The following GPC6 variants were observed in gnomAD, a reference collection of about 807,000 sequenced individuals.
The protein encoded by GPC6 is glypican 6.
GPC6 carries 14 observed loss-of-function variants against 55.2 expected under a neutral mutation model. The ratio of observed to expected loss-of-function variants is 0.25; its 90% CI spans 0.17 to 0.40. The LOEUF is 0.40. Ranked by LOEUF, GPC6 falls within the 10% of genes least tolerant of loss-of-function variation. GPC6 has a pLI of 1.00. For missense variants in GPC6, 641 were observed against 708.5 expected, an observed-to-expected ratio of 0.90 and a Z score of 1.08; for synonymous variants, 278 against 259.6, an observed-to-expected ratio of 1.07 and a Z score of -0.68.
At chr13:94,190,020 C>CAA (rs551911889) in intron 4 of GPC6, among the ~76,000 whole-genome samples, 14,716 of 126,576 alleles carry the variant, frequency 0.12, 862 homozygotes, top group East Asian at 0.2. Context: ...GACTCTGTCT[C>CAA]AAAAAAAAAA....
intron 3 of GPC6, among the ~76,000 whole-genome samples, chr13:93,930,065 A>T (rs1033485780): frequency 2.0e-5 from 3 of 152,072 alleles, no homozygotes; most frequent in Non-Finnish European, 2.9e-5. Context: ...ATTTAAAAAA[A>T]AATGCCAAGA....
At chr13:93,923,965 A>G (rs1456072145) in intron 3 of GPC6, among the ~76,000 whole-genome samples, 3 of 152,150 alleles carry the variant, frequency 2.0e-5, no homozygotes, top group Non-Finnish European at 4.4e-5. Flanking sequence ...TGGATGTGGA[A>G]TGGAATGGAT....
intron 2 of GPC6, among the ~76,000 whole-genome samples, chr13:93,633,578 A>G (rs2149224): frequency 0.46 from 69,915 of 151,562 alleles, 18,346 homozygotes; most frequent in Middle Eastern, 0.64. Flanking sequence ...GGAGGTTGCC[A>G]TGAGCCGAGA....
At chr13:93,743,894 A>G (rs1028044666) in intron 2 of GPC6, among the ~76,000 whole-genome samples, 6 of 152,170 alleles carry the variant, frequency 3.9e-5, no homozygotes, top group Non-Finnish European at 2.9e-5. Flanking sequence ...TACTGAGCAG[A>G]AGGTTTTTTT....
chr13:93,835,177 G>A lies in GPC6; in HGVS notation c.711+4632G>A, dbSNP rs1358046522. On this transcript the variant is annotated intron_variant, in intron 3 of 8. Coordinates refer to ENST00000377047, the MANE Select transcript of GPC6 (RefSeq NM_005708.5). ...ATGACTTTAAAGTGACTTCTGGCAT[G>A]GCATGGTGTCTCATACTTGTAATTC... is the stretch of plus-strand genomic sequence containing the variant. 3.9e-5 allele frequency among the ~76,000 whole-genome samples: 6 copies of A among 152,180 alleles called. No homozygotes were observed. The East Asian group carries it at 1.2e-3, about 29-fold the overall frequency.
chr13:93,379,369 T>C (rs1457180956), intron 1 of GPC6, among the ~76,000 whole-genome samples: 1 of 152,206 alleles, frequency 6.6e-6, no homozygotes, highest in African/African-American at 2.4e-5. Context: ...ATGTCTAGAA[T>C]GTTGGACTGA....
chr13:94,253,448 A>G (rs1891417354), intron 4 of GPC6, among the ~76,000 whole-genome samples: 1 of 152,070 alleles, frequency 6.6e-6, no homozygotes, highest in Non-Finnish European at 1.5e-5. Context: ...TTTATTTAAT[A>G]AGAGAGGAGT....
intron 3 of GPC6, among the ~76,000 whole-genome samples, chr13:94,008,058 T>G (rs1882091956): frequency 6.6e-6 from 1 of 152,210 alleles, no homozygotes; most frequent in Admixed American, 6.5e-5. Flanking sequence ...TGGTAAATTA[T>G]AACAGCATTC....
rs1284374612 is a variant in GPC6 at position 94,306,073 on chromosome 13, A to G, written c.1102A>G (p.Asn368Asp). ...TTTTAATACACGTTTCAGGCCCTACAATCCTGAGGAAAGACCAACAACTGC... is the reference window on the plus strand; with the variant it reads ...TTTTAATACACGTTTCAGGCCCTACGATCCTGAGGAAAGACCAACAACTGC... ...ENFNTRFRPYNPEERPTTAAG... is the reference protein window; with the variant it reads ...ENFNTRFRPYDPEERPTTAAG... Residue 368 changes from asparagine (N) to aspartate (D), a missense_variant, in exon 6 of 9, where the codon AAT becomes GAT. Transcript: ENST00000377047. 6.2e-7 allele frequency: 1 copy of G among 1,614,162 alleles called. No homozygotes were observed. The highest frequency in any genetic ancestry group is 1.1e-5 in the South Asian group (1 of 91,082).
chr13:93,594,997 T>TA (rs915438356), intron 2 of GPC6, among the ~76,000 whole-genome samples: 1 of 152,234 alleles, frequency 6.6e-6, no homozygotes, highest in African/African-American at 2.4e-5. Context: ...ATTCAGACCA[T>TA]AGCAACCAAT....
At chr13:93,810,497 A>G (rs1254196315) in intron 2 of GPC6, among the ~76,000 whole-genome samples, 2 of 152,204 alleles carry the variant, frequency 1.3e-5, no homozygotes, top group African/African-American at 2.4e-5. Context: ...CCCATTGACC[A>G]TATGGCTGCT....
At position 93,231,375 on chromosome 13, in the gene GPC6, A is replaced by ATGTG. The variant is rs1566533455; in HGVS notation, c.160+3760_160+3761insGTGT. Among the ~76,000 whole-genome samples the ATGTG allele has an allele frequency of 4.6e-4, 8 of 17,516 alleles. 1 individual carries two copies. Among genetic ancestry groups the ATGTG allele is most frequent in the African/African-American group, 2.5e-3 (8 of 3,190 alleles). The allele number at this position is 17,516 out of a possible 152,430, so 11.5% of individuals were successfully genotyped here. A position where few individuals can be genotyped will look rare whatever the true frequency, so the allele number is the denominator to read the frequency against. On this transcript the variant is annotated intron_variant, in intron 1 of 8. Transcript: ENST00000377047. ...TATATATATACGTATATATATATATATATACATATATATATATATATGTAT... is the reference window on the plus strand; with the variant it reads ...TATATATATACGTATATATATATATATGTGTATACATATATATATATATATGTAT...
intron 2 of GPC6, among the ~76,000 whole-genome samples, chr13:93,740,430 A>G (rs1174629317): frequency 6.6e-6 from 1 of 152,238 alleles, no homozygotes; most frequent in Non-Finnish European, 1.5e-5. Flanking sequence ...GCAATTAAGG[A>G]TAAAGACTGG....
intron 1 of GPC6, among the ~76,000 whole-genome samples, chr13:93,543,795 G>A (rs371598724): frequency 5.9e-5 from 9 of 152,200 alleles, no homozygotes; most frequent in East Asian, 5.8e-4. Flanking sequence ...GGATGCAAAC[G>A]TCTCTTTGAT....
At chr13:93,312,685 C>T (rs933013203) in intron 1 of GPC6, among the ~76,000 whole-genome samples, 5 of 152,044 alleles carry the variant, frequency 3.3e-5, no homozygotes, top group Admixed American at 1.3e-4. Flanking sequence ...GTGTTCATTG[C>T]GAATAGCATG....
At chr13:93,423,463 T>C (rs1275167399) in intron 1 of GPC6, among the ~76,000 whole-genome samples, 4 of 152,224 alleles carry the variant, frequency 2.6e-5, no homozygotes, top group Non-Finnish European at 5.9e-5. Context: ...TTTTTTCCTT[T>C]TTATTTACAT....
At chr13:94,100,680 C>T (rs1046816571) in intron 4 of GPC6, among the ~76,000 whole-genome samples, 7 of 152,044 alleles carry the variant, frequency 4.6e-5, no homozygotes, top group Admixed American at 1.3e-4. Context: ...CTTGCAAGGC[C>T]GGTTAAAATC....
chr13:93,803,568 A>G (rs939444823), intron 2 of GPC6, among the ~76,000 whole-genome samples: 4 of 152,210 alleles, frequency 2.6e-5, no homozygotes, highest in African/African-American at 9.6e-5. Context: ...ATTCCCCAGC[A>G]ATTTCACAAC....
intron 4 of GPC6, among the ~76,000 whole-genome samples, chr13:94,278,719 T>C (rs1182658843): frequency 4.6e-5 from 7 of 152,326 alleles, no homozygotes; most frequent in African/African-American, 1.7e-4. Flanking sequence ...TTTGGTTCTA[T>C]TTATGTGATG....
Sources: gnomAD v4.1 joint callset for allele counts (sites outside exome capture counted in the v4.1 genomes callset) on GRCh38, gnomAD v4.1.1 for gene constraint, MANE v1.5 for transcripts, NCBI Gene and HGNC (gene_info 2026-07-23, HGNC 2026-07-21) for gene names.